CDH12: variants seen among roughly 807,000 people sequenced by gnomAD.
The protein encoded by CDH12 is cadherin 12.
CDH12 carries 41 observed loss-of-function variants against 74.1 expected under a neutral mutation model. The observed-to-expected ratio is 0.55, with a 90% CI of 0.43 to 0.72. The LOEUF is 0.72. Ranked by LOEUF, CDH12 falls within the 30% of genes least tolerant of loss-of-function variation. CDH12 has a pLI of 0.00. For synonymous variants in CDH12, 399 were observed against 355.0 expected (o/e 1.12, Z -1.39); for missense variants, 945 against 977.2 (o/e 0.97, Z 0.44).
intron 6 of CDH12, chr5:21,883,741 A>G: frequency 1.3e-6 from 2 of 1,589,554 alleles, no homozygotes; most frequent in South Asian, 2.2e-5. Context: ...ACAACTAGTG[A>G]ATATGAAAAG....
chr5:22,378,789 T>C (rs1741643212), intron 3 of CDH12, among the ~76,000 whole-genome samples: 1 of 152,132 alleles, frequency 6.6e-6, no homozygotes, highest in Non-Finnish European at 1.5e-5. Flanking sequence ...ACAAAATTAC[T>C]TGTATTGGGT....
At chr5:22,821,656 T>C (rs1445217297) in intron 1 of CDH12, among the ~76,000 whole-genome samples, 3 of 151,864 alleles carry the variant, frequency 2.0e-5, no homozygotes, top group African/African-American at 4.8e-5. Flanking sequence ...ATAAAATACC[T>C]AGGAATCCAA....
chr5:22,734,587 C>T (rs774649269), intron 1 of CDH12, among the ~76,000 whole-genome samples: 1 of 151,854 alleles, frequency 6.6e-6, no homozygotes, highest in African/African-American at 2.4e-5. Context: ...TTTTGAAACT[C>T]TACAGCATAC....
At chr5:22,058,951 A>AT (rs1335130619) in intron 5 of CDH12, among the ~76,000 whole-genome samples, 1 of 152,130 alleles carries the variant, frequency 6.6e-6, no homozygotes, top group Non-Finnish European at 1.5e-5. Context: ...TGCCTCTTCA[A>AT]TTATTTTATA....
chr5:22,159,374 C>T (rs1748197387), intron 4 of CDH12, among the ~76,000 whole-genome samples: 1 of 152,080 alleles, frequency 6.6e-6, no homozygotes, highest in African/African-American at 2.4e-5. Context: ...GATATGCCTA[C>T]ACATTTTCAT....
intron 1 of CDH12, among the ~76,000 whole-genome samples, chr5:22,683,029 A>G (rs532760108): frequency 2.0e-5 from 3 of 152,222 alleles, no homozygotes; most frequent in African/African-American, 7.2e-5. Context: ...TGAATTTTTT[A>G]TTATCATTCA....
intron 14 of CDH12, 101 bp downstream of exon 14, chr5:21,755,489 CT>C (rs1176228347): frequency 3.9e-6 from 4 of 1,025,174 alleles, no homozygotes; most frequent in Non-Finnish European, 5.7e-6. Context: ...TGAATAAAAA[CT>C]TGTTTACATG....
intron 2 of CDH12, among the ~76,000 whole-genome samples, chr5:22,410,571 A>G (rs1743131258): frequency 6.6e-6 from 1 of 152,100 alleles, no homozygotes; most frequent in African/African-American, 2.4e-5. Flanking sequence ...ATAAAAATAG[A>G]CCATTTCCCC....
intron 6 of CDH12, among the ~76,000 whole-genome samples, chr5:21,861,004 G>T (rs150874488): frequency 3.3e-5 from 5 of 152,092 alleles, no homozygotes; most frequent in East Asian, 3.9e-4. Flanking sequence ...TCTACTCACT[G>T]CTTCTGTGAG....
chr5:22,293,621 TACACAC>T (rs150772328), intron 3 of CDH12, among the ~76,000 whole-genome samples: 2 of 150,762 alleles, frequency 1.3e-5, no homozygotes, highest in South Asian at 2.1e-4. Context: ...CATATACATA[TACACAC>T]ACACACACAC....
chr5:22,348,830 G>T (rs573157243), intron 3 of CDH12, among the ~76,000 whole-genome samples: 1 of 152,168 alleles, frequency 6.6e-6, no homozygotes, highest in Non-Finnish European at 1.5e-5. Context: ...AGACAATGCC[G>T]TGAGCCTTCC....
intron 6 of CDH12, among the ~76,000 whole-genome samples, chr5:21,895,823 G>A (rs191628897): frequency 6.6e-6 from 1 of 152,288 alleles, no homozygotes. Context: ...AACTGTGCAT[G>A]AGGGTACAGA....
At chr5:22,268,196 A>ATACAAGTT (rs1736222153) in intron 3 of CDH12, among the ~76,000 whole-genome samples, 2 of 152,070 alleles carry the variant, frequency 1.3e-5, no homozygotes, top group Non-Finnish European at 2.9e-5. Context: ...ATTACTTTGA[A>ATACAAGTT]TACAAGTTTT....
chr5:22,069,399 T>C (rs1373396769), intron 5 of CDH12, among the ~76,000 whole-genome samples: 1 of 152,062 alleles, frequency 6.6e-6, no homozygotes, highest in Non-Finnish European at 1.5e-5. Flanking sequence ...ATCCAATATA[T>C]GGCACTATTT....
intron 3 of CDH12, among the ~76,000 whole-genome samples, chr5:22,287,752 T>C (rs904346425): frequency 6.0e-5 from 9 of 150,612 alleles, no homozygotes; most frequent in African/African-American, 2.2e-4. Flanking sequence ...TGTATAACAA[T>C]ATTTCATATA....
At chr5:21,846,682 G>T (rs1750189413) in intron 7 of CDH12, among the ~76,000 whole-genome samples, 1 of 151,372 alleles carries the variant, frequency 6.6e-6, no homozygotes, top group Non-Finnish European at 1.5e-5. Context: ...CTATTTCATT[G>T]ATTTCTTTTA....
chr5:22,445,018 A>G (rs564647234), intron 2 of CDH12, among the ~76,000 whole-genome samples: 2 of 152,254 alleles, frequency 1.3e-5, no homozygotes, highest in South Asian at 4.1e-4. Flanking sequence ...TTTCAATTAG[A>G]GAACTTACAG....
At chr5:22,101,465 G>A (rs1428648124) in intron 4 of CDH12, among the ~76,000 whole-genome samples, 2 of 152,042 alleles carry the variant, frequency 1.3e-5, no homozygotes, top group Non-Finnish European at 2.9e-5. Flanking sequence ...GGTCTCAGCA[G>A]ACAACTTAGA....
chr5:21,874,515 C>T (rs1398864689), intron 6 of CDH12, among the ~76,000 whole-genome samples: 1 of 152,166 alleles, frequency 6.6e-6, no homozygotes, highest in African/African-American at 2.4e-5. Flanking sequence ...CCTAAAAGCA[C>T]AGGGGGAAAG....
Sources: allele counts gnomAD v4.1 joint callset (sites outside exome capture counted in the v4.1 genomes callset), GRCh38; gene constraint gnomAD v4.1.1; transcripts MANE v1.5; gene names NCBI Gene and HGNC (gene_info 2026-07-23, HGNC 2026-07-21).